Variants in KALRN observed in about 807,000 individuals in gnomAD.
KALRN encodes the protein kalirin RhoGEF kinase.
In KALRN, 70 loss-of-function variants were observed where a neutral mutation model predicts 353.7. That is an observed-to-expected ratio of 0.20 (90% CI 0.16 to 0.24). The LOEUF is 0.24. KALRN is among the 10% of genes least tolerant of loss of function. The pLI is 1.00. For synonymous variants in KALRN, 1,391 were observed against 1,434.8 expected (o/e 0.97, Z 0.69); for missense variants, 2,791 against 3,756.7 (o/e 0.74, Z 6.72).
chr3:124,143,278 T>C (rs1195606937), intron 1 of KALRN, among the ~76,000 whole-genome samples: 3 of 152,210 alleles, frequency 2.0e-5, no homozygotes, highest in Admixed American at 6.5e-5. Context: ...CTCACTGTCA[T>C]GTGGATGGTG....
At chr3:124,392,548 G>A (rs1398030151) in intron 11 of KALRN, among the ~76,000 whole-genome samples, 1 of 145,690 alleles carries the variant, frequency 6.9e-6, no homozygotes, top group Non-Finnish European at 1.5e-5. Flanking sequence ...TTTTTTTTTT[G>A]GAGACAGAGT....
intron 1 of KALRN, among the ~76,000 whole-genome samples, chr3:124,187,582 A>C (rs2074385021): frequency 6.6e-6 from 1 of 152,188 alleles, no homozygotes; most frequent in African/African-American, 2.4e-5. Context: ...AGGGGCAGAG[A>C]GGAGAGAGGC....
chr3:124,685,151 A>C (rs72966699), intron 51 of KALRN, among the ~76,000 whole-genome samples: 190 of 152,312 alleles, frequency 1.2e-3, no homozygotes, highest in African/African-American at 4.5e-3. Context: ...AAAGAAAGTG[A>C]AGCATCACAT....
intron 57 of KALRN, among the ~76,000 whole-genome samples, chr3:124,704,350 G>C (rs1469733983): frequency 6.6e-6 from 1 of 152,146 alleles, no homozygotes; most frequent in African/African-American, 2.4e-5. Context: ...AGCTAAAACA[G>C]ATGGCTGATT....
intron 34 of KALRN, among the ~76,000 whole-genome samples, chr3:124,598,170 C>T (rs555673606): frequency 6.6e-6 from 1 of 152,328 alleles, no homozygotes; most frequent in East Asian, 1.9e-4. Flanking sequence ...CAGAGGGATT[C>T]TGGGGGAAAT....
chr3:124,375,869 G>T (rs2086515675), intron 10 of KALRN, among the ~76,000 whole-genome samples: 2 of 152,134 alleles, frequency 1.3e-5, no homozygotes, highest in Non-Finnish European at 2.9e-5. Context: ...AGAAAGAAAA[G>T]GGATCAGTGA....
chr3:124,119,364 T>C (rs1309445252), intron 1 of KALRN, among the ~76,000 whole-genome samples: 2 of 152,194 alleles, frequency 1.3e-5, no homozygotes, highest in Non-Finnish European at 2.9e-5. Flanking sequence ...TGGACAGAAG[T>C]TTTCAGACCC....
chr3:124,557,760 T>G (rs1024481589), intron 33 of KALRN, among the ~76,000 whole-genome samples: 1 of 152,222 alleles, frequency 6.6e-6, no homozygotes, highest in Non-Finnish European at 1.5e-5. Flanking sequence ...GAGGTCGGAC[T>G]TATCTGATGG....
chr3:124,453,369 G>A (rs1323558351), intron 21 of KALRN, among the ~76,000 whole-genome samples: 3 of 152,312 alleles, frequency 2.0e-5, no homozygotes, highest in Non-Finnish European at 4.4e-5. Flanking sequence ...CTGGAGAGCT[G>A]GATCCCTGGT....
At chr3:124,690,584 C>G (rs758251546) in intron 51 of KALRN, among the ~76,000 whole-genome samples, 1 of 152,106 alleles carries the variant, frequency 6.6e-6, no homozygotes, top group Non-Finnish European at 1.5e-5. Context: ...TTCCTAAGAC[C>G]CTCCCACTTT....
Position 124,169,508 on chromosome 3 carries a change from G to A in KALRN, c.74-58482G>A, listed in dbSNP as rs115472364. 8.7e-3 allele frequency among the ~76,000 whole-genome samples: 1,330 copies of A among 152,174 alleles called. 20 individuals are homozygous for A. The highest frequency in any genetic ancestry group is 0.03 in the African/African-American group (1,253 of 41,514). ...GCTGCATAGGGCTTGATACTTGTGG[G>A]TAATTTGCAACTACTGGTGCAGTGG... is the stretch of plus-strand genomic sequence containing the variant. On this transcript the variant is annotated intron_variant, in intron 1 of 59. Coordinates refer to ENST00000682506, the MANE Select transcript of KALRN (RefSeq NM_001388419.1).
At chr3:124,704,279 C>T (rs944263774) in intron 57 of KALRN, among the ~76,000 whole-genome samples, 2 of 152,158 alleles carry the variant, frequency 1.3e-5, no homozygotes, top group Admixed American at 1.3e-4. Flanking sequence ...CCGGATGCCC[C>T]AGTTAATTCC....
intron 10 of KALRN, among the ~76,000 whole-genome samples, chr3:124,364,528 C>T (rs997216001): frequency 1.3e-5 from 2 of 152,194 alleles, no homozygotes; most frequent in African/African-American, 2.4e-5. Flanking sequence ...AGAACATGTT[C>T]CTGCTTTGAA....
At chr3:124,468,756 G>T (rs1415395125) in intron 25 of KALRN, among the ~76,000 whole-genome samples, 3 of 152,208 alleles carry the variant, frequency 2.0e-5, no homozygotes, top group African/African-American at 7.2e-5. Context: ...ATAGTCAAAT[G>T]TTAAGGAAAG....
intron 34 of KALRN, among the ~76,000 whole-genome samples, chr3:124,602,948 TTTG>T (rs1425908355): frequency 7.6e-5 from 3 of 39,390 alleles, no homozygotes; most frequent in African/African-American, 1.2e-4. Flanking sequence ...TGGTTTTTTT[TTTG>T]TTGTTGTTTT....
chr3:124,606,805 T>C (rs2077393393), intron 34 of KALRN, among the ~76,000 whole-genome samples: 1 of 152,062 alleles, frequency 6.6e-6, no homozygotes, highest in Non-Finnish European at 1.5e-5. Flanking sequence ...ACCCAATATT[T>C]TAAAAAAGGG....
intron 37 of KALRN, among the ~76,000 whole-genome samples, chr3:124,649,101 C>A (rs1458481718): frequency 1.3e-5 from 2 of 152,126 alleles, no homozygotes; most frequent in Non-Finnish European, 2.9e-5. Flanking sequence ...TAGCCCTTGG[C>A]ACATTTTGTC....
intron 34 of KALRN, among the ~76,000 whole-genome samples, chr3:124,626,436 A>G (rs932409173): frequency 3.3e-5 from 5 of 152,318 alleles, no homozygotes; most frequent in South Asian, 2.1e-4. Context: ...GAGTACATAG[A>G]TGTCAATTTT....
chr3:124,187,688 A>G (rs2074396139), intron 1 of KALRN, among the ~76,000 whole-genome samples: 1 of 152,196 alleles, frequency 6.6e-6, no homozygotes, highest in South Asian at 2.1e-4. Context: ...TGAACTATAA[A>G]TGGATTAATT....
Sources: allele counts gnomAD v4.1 joint callset (sites outside exome capture counted in the v4.1 genomes callset), GRCh38; gene constraint gnomAD v4.1.1; transcripts MANE v1.5; gene names NCBI Gene and HGNC (gene_info 2026-07-23, HGNC 2026-07-21).